Variants in CLYBL observed in about 807,000 individuals in gnomAD.
CLYBL encodes citramalyl-CoA lyase.
A neutral mutation model predicts 38.9 loss-of-function variants in CLYBL; 31 were observed. The ratio of observed to expected loss-of-function variants is 0.80; its 90% CI spans 0.60 to 1.08. The LOEUF (loss-of-function observed/expected upper bound fraction) is 1.08. Ranked by LOEUF, CLYBL falls within the 50% of genes least tolerant of loss-of-function variation. CLYBL has a pLI of 0.00. For synonymous variants in CLYBL, 171 were observed against 158.6 expected, an observed-to-expected ratio of 1.08 and a Z score of -0.59; for missense variants, 434 against 411.6, an observed-to-expected ratio of 1.05 and a Z score of -0.47.
intron 2 of CLYBL, among the ~76,000 whole-genome samples, chr13:99,854,427 T>A (rs1414054270): frequency 6.6e-6 from 1 of 151,284 alleles, no homozygotes; most frequent in Non-Finnish European, 1.5e-5. Context: ...TGTCTCATCC[T>A]ATCCGACAGT....
intron 1 of CLYBL, among the ~76,000 whole-genome samples, chr13:99,736,780 A>G (rs1364197924): frequency 1.3e-5 from 2 of 151,936 alleles, no homozygotes; most frequent in Non-Finnish European, 2.9e-5. Context: ...GCCCCTCCCC[A>G]CCAGGCTTCA....
At chr13:99,832,215 C>T (rs921363780) in intron 2 of CLYBL, among the ~76,000 whole-genome samples, 1 of 152,202 alleles carries the variant, frequency 6.6e-6, no homozygotes. Context: ...GGTTGACTCC[C>T]ATTAGGGAAA....
chr13:99,693,328 T>A (rs2047934489), intron 1 of CLYBL, among the ~76,000 whole-genome samples: 1 of 152,150 alleles, frequency 6.6e-6, no homozygotes, highest in African/African-American at 2.4e-5. Flanking sequence ...CTGGTCAGAA[T>A]AAAACTGACC....
chr13:99,826,330 T>C (rs889585081), intron 2 of CLYBL, among the ~76,000 whole-genome samples: 13 of 152,258 alleles, frequency 8.5e-5, no homozygotes, highest in African/African-American at 3.1e-4. Context: ...AACCATGACA[T>C]CAATGCCTAC....
At chr13:99,774,034 A>G (rs1377246429) in intron 2 of CLYBL, among the ~76,000 whole-genome samples, 2 of 151,578 alleles carry the variant, frequency 1.3e-5, no homozygotes, top group Non-Finnish European at 2.9e-5. Context: ...GTTTGAGACC[A>G]GTCTGGCCAA....
intron 1 of CLYBL, among the ~76,000 whole-genome samples, chr13:99,660,275 TTG>T (rs1335066138): frequency 2.6e-5 from 4 of 152,176 alleles, no homozygotes; most frequent in Non-Finnish European, 5.9e-5. Flanking sequence ...AAGCAAAGCA[TTG>T]TGTTTGGGAA....
intron 7 of CLYBL, among the ~76,000 whole-genome samples, chr13:99,871,482 G>A (rs1016592257): frequency 6.6e-6 from 1 of 152,054 alleles, no homozygotes; most frequent in East Asian, 1.9e-4. Flanking sequence ...TAATTTGGGG[G>A]GAAAAAAGTA....
chr13:99,724,525 T>G (rs1416701063), intron 1 of CLYBL, among the ~76,000 whole-genome samples: 3 of 148,998 alleles, frequency 2.0e-5, no homozygotes, highest in African/African-American at 7.3e-5. Context: ...AGCTCCGACT[T>G]GGAGAAGATG....
chr13:99,872,181 A>G (rs1404706060), intron 7 of CLYBL, among the ~76,000 whole-genome samples: 2 of 152,168 alleles, frequency 1.3e-5, no homozygotes, highest in African/African-American at 4.8e-5. Context: ...ACCCATGCAC[A>G]CATGGGCACA....
intron 1 of CLYBL, among the ~76,000 whole-genome samples, chr13:99,760,793 A>G (rs1218600122): frequency 6.6e-6 from 1 of 152,206 alleles, no homozygotes; most frequent in African/African-American, 2.4e-5. Flanking sequence ...TAATACAGTC[A>G]TATAATTTGT....
chr13:99,859,732 G>A (rs2051552343), intron 3 of CLYBL, among the ~76,000 whole-genome samples: 1 of 152,180 alleles, frequency 6.6e-6, no homozygotes, highest in Non-Finnish European at 1.5e-5. Flanking sequence ...TTTTGAAATA[G>A]GCCTAATTAC....
chr13:99,784,667 T>G (rs12429830), intron 2 of CLYBL, among the ~76,000 whole-genome samples: 57,088 of 151,354 alleles, frequency 0.38, 11,041 homozygotes, highest in Middle Eastern at 0.47. Flanking sequence ...TTGGCCAGGC[T>G]GGTCTTAAAT....
chr13:99,664,947 A>G (rs1442039986), intron 1 of CLYBL, among the ~76,000 whole-genome samples: 1 of 152,166 alleles, frequency 6.6e-6, no homozygotes, highest in Non-Finnish European at 1.5e-5. Context: ...AAATAGGAAA[A>G]TAACATCTTC....
chr13:99,798,706 C>T (rs1436249504), intron 2 of CLYBL, among the ~76,000 whole-genome samples: 2 of 152,150 alleles, frequency 1.3e-5, no homozygotes, highest in Admixed American at 6.5e-5. Context: ...CACGAGACTC[C>T]AGTTATCCCA....
intron 7 of CLYBL, among the ~76,000 whole-genome samples, chr13:99,886,364 C>G (rs1217469685): frequency 6.6e-6 from 1 of 152,246 alleles, no homozygotes; most frequent in African/African-American, 2.4e-5. Flanking sequence ...ATCACGCCAT[C>G]ATCATCACCT....
At chr13:99,681,371 G>A (rs1594116927) in intron 1 of CLYBL, among the ~76,000 whole-genome samples, 1 of 151,988 alleles carries the variant, frequency 6.6e-6, no homozygotes, top group Non-Finnish European at 1.5e-5. Flanking sequence ...ATGGTTCACG[G>A]AAAAAATACA....
intron 2 of CLYBL, among the ~76,000 whole-genome samples, chr13:99,811,035 T>C (rs1292666871): frequency 6.6e-6 from 1 of 152,096 alleles, no homozygotes; most frequent in Admixed American, 6.5e-5. Context: ...AAAGACCTCT[T>C]CCACACACAC....
At chr13:99,633,570 G>A (rs1200226707) in intron 1 of CLYBL, among the ~76,000 whole-genome samples, 1 of 151,580 alleles carries the variant, frequency 6.6e-6, no homozygotes, top group Non-Finnish European at 1.5e-5. Flanking sequence ...AAAAAGAGCT[G>A]AAAGGTTAGT....
rs116191058 is a variant in CLYBL, at chr13:99,714,289, G to C, written c.63-58535G>C. Among the ~76,000 whole-genome samples the C allele has an allele frequency of 5.0e-3, 757 of 152,214 alleles. 6 individuals are homozygous for C. The highest frequency in any genetic ancestry group is 0.017 in the African/African-American group (720 of 41,540). ...TTCAAGTTGATAACTTTTGTCGAAG[G>C]TCTGGTGGTGTTTGACTGTCAGTCC... On this transcript the variant is annotated intron_variant, in intron 1 of 8. Coordinates refer to ENST00000339105, the MANE Select transcript of CLYBL (RefSeq NM_206808.5).
Sources: allele counts gnomAD v4.1 joint callset (sites outside exome capture counted in the v4.1 genomes callset), GRCh38; gene constraint gnomAD v4.1.1; transcripts MANE v1.5; gene names NCBI Gene and HGNC (gene_info 2026-07-23, HGNC 2026-07-21).